HNRNPA2B1: variants seen among roughly 807,000 people sequenced by gnomAD.
The protein encoded by HNRNPA2B1 is heterogeneous nuclear ribonucleoprotein A2/B1, also known as heterogeneous nuclear ribonucleoproteins A2/B1.
Under a neutral mutation model 46.3 loss-of-function variants are expected in HNRNPA2B1, and 3 were observed. The ratio of observed to expected loss-of-function variants is 0.06; its 90% CI spans 0.03 to 0.17. The LOEUF is 0.17. Among genes scored for constraint, HNRNPA2B1 ranks in the 10% least tolerant of loss-of-function variants. The probability of loss-of-function intolerance (pLI) is 1.00; values close to 1 mark genes in which losing one functional copy is unlikely to be tolerated. For missense variants in HNRNPA2B1, 221 were observed against 418.9 expected (o/e 0.53, Z 4.12); for synonymous variants, 225 against 133.8 (o/e 1.68, Z -4.70).
chr7:26,193,462 A>G, intron 8 of HNRNPA2B1, 89 bp from the exon 9 acceptor site: 2 of 1,527,582 alleles, frequency 1.3e-6, no homozygotes, highest in Non-Finnish European at 1.8e-6. Context: ...AAAAGCAAAC[A>G]CTTATCCACA....
At chr7:26,197,958 T>TA in intron 1 of HNRNPA2B1, 1 of 762,026 alleles carries the variant, frequency 1.3e-6, no homozygotes, top group Non-Finnish European at 2.1e-6. Flanking sequence ...TCAGCTGATC[T>TA]ACACAAGTTT....
At chr7:26,192,704 G>T (rs1562698511) in intron 9 of HNRNPA2B1, 127 bp from the exon 10 acceptor site, 2 of 764,924 alleles carry the variant, frequency 2.6e-6, no homozygotes, top group Non-Finnish European at 4.4e-6. Flanking sequence ...ATCCTTTGCA[G>T]CCAGTTAGCA....
At chr7:26,195,807 T>C (rs758574905) in intron 7 of HNRNPA2B1, 40 bp downstream of exon 7, 26 of 1,600,168 alleles carry the variant, frequency 1.6e-5, no homozygotes, top group Non-Finnish European at 2.0e-5. Context: ...TAGTTAAGTA[T>C]TAGTCACATA....
Position 26,191,943 on chromosome 7 carries a change from T to G in HNRNPA2B1, c.*417A>C, listed in dbSNP as rs1424785423. 1 of 152,662 alleles carries G rather than the reference T, an allele frequency of 6.6e-6. No homozygotes were observed. Among genetic ancestry groups the G allele is most frequent in the Non-Finnish European group, 1.5e-5 (1 of 68,050 alleles). The allele number at this position is 152,662 out of a possible 1,614,324, so 9.5% of individuals were successfully genotyped here. ...TTAAAGGAAAAACGTTATGTCTTATTACACCATGATCCTGGCTAATAGCTT... is the reference window on the plus strand; with the variant it reads ...TTAAAGGAAAAACGTTATGTCTTATGACACCATGATCCTGGCTAATAGCTT... On this transcript the variant is annotated 3_prime_UTR_variant, in exon 11 of 11. Coordinates refer to ENST00000618183, the MANE Select transcript of HNRNPA2B1 (RefSeq NM_002137.4).
intron 1 of HNRNPA2B1, 57 bp from the exon 2 acceptor site, chr7:26,197,789 A>G (rs769718600): frequency 1.2e-6 from 2 of 1,601,050 alleles, no homozygotes. Flanking sequence ...TGTATGCAGG[A>G]AATTAAATTC....
Position 26,192,582 on chromosome 7 carries a change from AATTGTT to A in HNRNPA2B1, c.965-11_965-6del. 1 of 1,613,570 alleles carries A rather than the reference AATTGTT, an allele frequency of 6.2e-7. No homozygotes were observed. Among genetic ancestry groups the A allele is most frequent in the Non-Finnish European group, 8.5e-7 (1 of 1,179,478 alleles). On this transcript the variant is annotated splice_region_variant and splice_polypyrimidine_tract_variant and intron_variant, in intron 9 of 10. Coordinates refer to ENST00000618183, the MANE Select transcript of HNRNPA2B1 (RefSeq NM_002137.4). ...TGCCTCCTGGACCATAGTTTCCTAT[AATTGTT>A]GGAACAGCAAGAGAAAACAAACTTA...
In HNRNPA2B1 at chr7:26,191,489, T is replaced by G. The variant is rs867594043; in HGVS notation, c.*871A>C. 1 of 152,214 alleles carries G rather than the reference T, an allele frequency of 6.6e-6. No homozygotes were observed. The highest frequency in any genetic ancestry group is 2.4e-5 in the African/African-American group (1 of 41,458). 9.4% of individuals were successfully genotyped at this position (152,214 alleles called of 1,614,324 possible). On this transcript the variant is annotated 3_prime_UTR_variant, in exon 11 of 11. Transcript: ENST00000618183. ...CCCTCAGCTTTCGTTGGCATCCTTA[T>G]AAACTACTGTAGTTAAAGTTTTGTA...
At chr7:26,197,999 TCAA>T (rs900778476) in intron 1 of HNRNPA2B1, 3 of 504,836 alleles carry the variant, frequency 5.9e-6, no homozygotes, top group Non-Finnish European at 6.9e-6. Context: ...ATAAATTTAC[TCAA>T]CATTAAATTA....
At chr7:26,192,923 G>A (rs550517931) in intron 9 of HNRNPA2B1, among the ~76,000 whole-genome samples, 28 of 152,238 alleles carry the variant, frequency 1.8e-4, no homozygotes, top group Admixed American at 1.7e-3. Context: ...TTGAATCATG[G>A]TTTAAGGATT....
chr7:26,192,828 A>G (rs1783062443), intron 9 of HNRNPA2B1, among the ~76,000 whole-genome samples: 1 of 152,186 alleles, frequency 6.6e-6, no homozygotes, highest in Admixed American at 6.5e-5. Context: ...GGACTGAGTA[A>G]GGGATTTTTT....
At chr7:26,196,279 A>T in intron 6 of HNRNPA2B1, 122 bp downstream of exon 6, 1 of 767,464 alleles carries the variant, frequency 1.3e-6, no homozygotes, top group Non-Finnish European at 2.1e-6. Context: ...CCAGGATACA[A>T]TCTATTTGAA....
At chr7:26,195,804 G>C (rs765295499) in intron 7 of HNRNPA2B1, 43 bp downstream of exon 7, 1 of 1,596,924 alleles carries the variant, frequency 6.3e-7, no homozygotes, top group South Asian at 1.1e-5. Flanking sequence ...ATATAGTTAA[G>C]TATTAGTCAC....
At position 26,191,816 on chromosome 7, in the gene HNRNPA2B1, T is replaced by G. The variant is rs957764082; in HGVS notation, c.*544A>C. The G allele has an allele frequency of 2.0e-5, 3 of 152,632 alleles. No individual in the cohort carries two copies. The highest frequency in any genetic ancestry group is 4.8e-5 in the African/African-American group (2 of 41,462). The allele number at this position is 152,632 out of a possible 1,614,324, so 9.5% of individuals were successfully genotyped here. ...TTATACTACCCACTCCTTAACTTAT[T>G]TAAAATAAAAAGTCTATAATTACAC... On this transcript the variant is annotated 3_prime_UTR_variant, in exon 11 of 11. Coordinates refer to ENST00000618183, the MANE Select transcript of HNRNPA2B1 (RefSeq NM_002137.4).
chr7:26,193,688 T>C lies in HNRNPA2B1; in HGVS notation c.728A>G (p.Asn243Ser), dbSNP rs1292889600. The C allele has an allele frequency of 1.9e-6, 3 of 1,611,414 alleles. No individual in the cohort carries two copies. The highest frequency in any genetic ancestry group is 2.5e-6 in the Non-Finnish European group (3 of 1,178,658). ...NGYGGGPGGGNFGGSPGYGGG... is the reference protein window; with the variant it reads ...NGYGGGPGGGSFGGSPGYGGG... ...TCCATAACCGGGGCTACCTCCAAAA[T>C]TGCCACCTATTATAAAATAAGCCTT... is the stretch of plus-strand genomic sequence containing the variant. The change falls in exon 8 of 11, where the codon AAT becomes AGT. Residue 243 changes from asparagine (N) to serine (S), a missense_variant. Transcript: ENST00000618183.
chr7:26,196,051 A>C, intron 6 of HNRNPA2B1, 142 bp from the exon 7 acceptor site: 1 of 1,202,270 alleles, frequency 8.3e-7, no homozygotes, highest in Non-Finnish European at 1.1e-6. Context: ...GTTTACCCAC[A>C]AAACATGAAA....
At chr7:26,194,152 T>C (rs1254566542) in intron 7 of HNRNPA2B1, among the ~76,000 whole-genome samples, 1 of 151,960 alleles carries the variant, frequency 6.6e-6, no homozygotes, top group Admixed American at 6.5e-5. Flanking sequence ...TCCCAGCACT[T>C]TGGGAAGGCC....
At position 26,195,773 on chromosome 7, in the gene HNRNPA2B1, T is replaced by C. The variant is rs1201297483; in HGVS notation, c.721+74A>G. 1.7e-5 allele frequency: 25 copies of C among 1,504,274 alleles called. No homozygotes were observed. The East Asian group carries it at 4.2e-4, about 25-fold the overall frequency. 93.2% of individuals were successfully genotyped at this position (1,504,274 alleles called of 1,614,324 possible). On this transcript the variant is annotated intron_variant, in intron 7 of 10. Transcript: ENST00000618183. ...ATATAAAATGTTTAAAAACTCAAAA[T>C]ATAAATGAAGTAAATATACGATATA... is the stretch of plus-strand genomic sequence containing the variant.
chr7:26,195,325 C>G (rs1229880773), intron 7 of HNRNPA2B1, among the ~76,000 whole-genome samples: 1 of 152,170 alleles, frequency 6.6e-6, no homozygotes, highest in Non-Finnish European at 1.5e-5. Flanking sequence ...CAGTGTGTAT[C>G]AGCCTTTTCT....
rs777185964 is a variant in HNRNPA2B1 at position 26,195,866 on chromosome 7, C to A, written c.702G>T (p.Gly234=). 4 of 1,610,836 alleles carry A rather than the reference C, an allele frequency of 2.5e-6. No individual in the cohort carries two copies. Among genetic ancestry groups the A allele is most frequent in the Non-Finnish European group, 2.5e-6 (3 of 1,179,054 alleles). The change falls in exon 7 of 11, where the codon GGG becomes GGT. Residue 234 remains glycine, a synonymous_variant. Coordinates refer to ENST00000618183, the MANE Select transcript of HNRNPA2B1 (RefSeq NM_002137.4). ...SGRGFGDGYN[G]YGGGPGGGNF... is the part of the protein sequence containing the mutation. ...ACTGACCTCCAGGTCCTCCTCCATA[C>A]CCATTATAGCCATCCCCAAATCCAC...
Sources: gnomAD v4.1 joint callset for allele counts (sites outside exome capture counted in the v4.1 genomes callset) on GRCh38, gnomAD v4.1.1 for gene constraint, MANE v1.5 for transcripts, NCBI Gene and HGNC (gene_info 2026-07-23, HGNC 2026-07-21) for gene names.